OSBPL8: variants seen among roughly 807,000 people sequenced by gnomAD.
OSBPL8 encodes the protein oxysterol binding protein like 8.
In OSBPL8, 59 loss-of-function variants were observed where a neutral mutation model predicts 125.5. That is an observed-to-expected ratio of 0.47 (90% CI 0.38 to 0.58). The LOEUF (loss-of-function observed/expected upper bound fraction) is 0.58, where lower values mean the gene tolerates loss of function less well. Among genes scored for constraint, OSBPL8 ranks in the 20% least tolerant of loss-of-function variants. OSBPL8 has a pLI of 0.00. For missense variants in OSBPL8, 758 were observed against 1,047.8 expected (o/e 0.72, Z 3.82); for synonymous variants, 330 against 338.9 (o/e 0.97, Z 0.29).
intron 2 of OSBPL8, among the ~76,000 whole-genome samples, chr12:76,482,641 T>A (rs1383058110): frequency 6.6e-6 from 1 of 151,994 alleles, no homozygotes; most frequent in African/African-American, 2.4e-5. Flanking sequence ...ATAGAGTGAC[T>A]ATCCTTAAGT....
At chr12:76,383,304 G>T (rs867204106) in intron 15 of OSBPL8, among the ~76,000 whole-genome samples, 1 of 151,510 alleles carries the variant, frequency 6.6e-6, no homozygotes, top group Non-Finnish European at 1.5e-5. Context: ...GATGAAAGGT[G>T]AAGTAGGTAA....
chr12:76,410,868 T>C (rs536970519), intron 4 of OSBPL8, among the ~76,000 whole-genome samples: 2 of 152,312 alleles, frequency 1.3e-5, no homozygotes, highest in Admixed American at 6.5e-5. Context: ...ATCTCTTCTT[T>C]GCTCCTGCAG....
intron 2 of OSBPL8, among the ~76,000 whole-genome samples, chr12:76,480,523 CTG>C (rs904825573): frequency 2.0e-5 from 3 of 152,088 alleles, no homozygotes; most frequent in Non-Finnish European, 4.4e-5. Context: ...TTAATACAAA[CTG>C]TTAGAGTTAG....
At chr12:76,558,988 G>C (rs1592923767) in intron 1 of OSBPL8, among the ~76,000 whole-genome samples, 1 of 152,178 alleles carries the variant, frequency 6.6e-6, no homozygotes, top group South Asian at 2.1e-4. Flanking sequence ...GCCTTCTCTG[G>C]GGCTGTCACA....
chr12:76,366,146 GAGA>G (rs1330168951), intron 21 of OSBPL8, among the ~76,000 whole-genome samples: 3 of 152,218 alleles, frequency 2.0e-5, no homozygotes, highest in African/African-American at 7.2e-5. Flanking sequence ...TTTAGAGTTT[GAGA>G]AGGATTTGTG....
chr12:76,456,796 T>C (rs917274283), intron 3 of OSBPL8, among the ~76,000 whole-genome samples: 1 of 152,128 alleles, frequency 6.6e-6, no homozygotes, highest in Admixed American at 6.6e-5. Context: ...AAGAAAATCA[T>C]AAGAGAAAAT....
intron 1 of OSBPL8, among the ~76,000 whole-genome samples, chr12:76,544,630 C>A (rs1443235276): frequency 2.0e-5 from 3 of 152,002 alleles, no homozygotes; most frequent in African/African-American, 7.2e-5. Flanking sequence ...TGCTATAAAG[C>A]AAAAGCACAT....
chr12:76,357,432 A>G (rs1952026820), intron 22 of OSBPL8, among the ~76,000 whole-genome samples: 1 of 152,208 alleles, frequency 6.6e-6, no homozygotes, highest in Non-Finnish European at 1.5e-5. Flanking sequence ...ATCTGCATAT[A>G]TAACATACAT....
intron 1 of OSBPL8, among the ~76,000 whole-genome samples, chr12:76,493,604 G>A (rs1399376311): frequency 6.6e-6 from 1 of 152,130 alleles, no homozygotes; most frequent in East Asian, 1.9e-4. Flanking sequence ...ATAGGCTAAA[G>A]GAGCTCCCTT....
At chr12:76,486,602 T>A (rs1025501376) in intron 2 of OSBPL8, among the ~76,000 whole-genome samples, 2 of 152,200 alleles carry the variant, frequency 1.3e-5, no homozygotes, top group Non-Finnish European at 2.9e-5. Context: ...CAAATCATCA[T>A]TTAGTCCATC....
At chr12:76,418,415 C>A (rs568429662) in intron 4 of OSBPL8, among the ~76,000 whole-genome samples, 2 of 152,126 alleles carry the variant, frequency 1.3e-5, no homozygotes, top group Non-Finnish European at 2.9e-5. Flanking sequence ...CAAATTCCTT[C>A]CAAATGGTCA....
rs760038948 is a variant in OSBPL8, at chr12:76,419,988, G to A, written c.218-9354C>T. On this transcript the variant is annotated intron_variant, in intron 4 of 23. Coordinates refer to ENST00000261183, the MANE Select transcript of OSBPL8 (RefSeq NM_020841.5). ...CCTGCTAATGCAATGGAATATTATCGCTGAATAAATTAGCATTCTGCCCTT... is the reference window on the plus strand; with the variant it reads ...CCTGCTAATGCAATGGAATATTATCACTGAATAAATTAGCATTCTGCCCTT... Among the ~76,000 whole-genome samples the A allele has an allele frequency of 5.9e-5, 9 of 152,142 alleles. No individual in the cohort carries two copies. The South Asian group carries it at 1.5e-3, about 25-fold the overall frequency.
intron 15 of OSBPL8, among the ~76,000 whole-genome samples, chr12:76,383,632 G>A (rs1953159285): frequency 6.6e-6 from 1 of 151,626 alleles, no homozygotes; most frequent in Admixed American, 6.6e-5. Flanking sequence ...AAAATTCTTT[G>A]GTTGAAATTT....
intron 1 of OSBPL8, among the ~76,000 whole-genome samples, chr12:76,551,204 C>T (rs1268361304): frequency 6.6e-6 from 1 of 152,152 alleles, no homozygotes; most frequent in African/African-American, 2.4e-5. Flanking sequence ...TTACCCAACC[C>T]CTAAAAGGGG....
rs555318806 is a variant in OSBPL8 at position 76,438,296 on chromosome 12, T to C, written c.217+12555A>G. ...CCACTGCGCCCAGCCCAGTAACTTC[T>C]TAATAACTTTTTTTTTTTTTTTTTG... is the stretch of plus-strand genomic sequence containing the variant. On this transcript the variant is annotated intron_variant, in intron 4 of 23. Transcript: ENST00000261183. 1.9e-3 allele frequency among the ~76,000 whole-genome samples: 293 copies of C among 150,342 alleles called. 1 individual carries two copies. The highest frequency in any genetic ancestry group is 6.9e-3 in the African/African-American group (279 of 40,604).
intron 4 of OSBPL8, among the ~76,000 whole-genome samples, chr12:76,423,622 A>C (rs1869781468): frequency 6.6e-6 from 1 of 152,204 alleles, no homozygotes; most frequent in Admixed American, 6.5e-5. Flanking sequence ...TCTAACAGGT[A>C]CCATCTGTTT....
chr12:76,420,722 C>A (rs188810433), intron 4 of OSBPL8, among the ~76,000 whole-genome samples: 4 of 151,948 alleles, frequency 2.6e-5, no homozygotes, highest in Admixed American at 2.6e-4. Flanking sequence ...TTTTTCAATA[C>A]AACAATGAAG....
intron 1 of OSBPL8, among the ~76,000 whole-genome samples, chr12:76,534,856 A>T (rs1405914723): frequency 2.6e-5 from 4 of 152,198 alleles, no homozygotes; most frequent in Admixed American, 6.5e-5. Context: ...CCATAAACAG[A>T]GTCAATTAAT....
intron 4 of OSBPL8, among the ~76,000 whole-genome samples, chr12:76,440,722 C>CGTTA (rs1872089792): frequency 6.6e-6 from 1 of 152,104 alleles, no homozygotes; most frequent in African/African-American, 2.4e-5. Context: ...TAACTAAGTA[C>CGTTA]GTTACCCTTC....
Sources: allele counts gnomAD v4.1 joint callset (sites outside exome capture counted in the v4.1 genomes callset), GRCh38; gene constraint gnomAD v4.1.1; transcripts MANE v1.5; gene names NCBI Gene and HGNC (gene_info 2026-07-23, HGNC 2026-07-21).